Variants in FRMD4B observed in about 807,000 individuals in gnomAD.
FRMD4B encodes the protein FERM domain-containing protein 4B.
Under a neutral mutation model 141.5 loss-of-function variants are expected in FRMD4B, and 74 were observed. The observed-to-expected ratio is 0.52, with a 90% confidence interval of 0.43 to 0.63. FRMD4B has a LOEUF of 0.63. Ranked by LOEUF, FRMD4B falls within the 30% of genes least tolerant of loss-of-function variation. The probability of loss-of-function intolerance (pLI) is 0.00; values close to 1 mark genes in which losing one functional copy is unlikely to be tolerated. For missense variants in FRMD4B, 1,366 were observed against 1,253.4 expected, an observed-to-expected ratio of 1.09 and a Z score of -1.36; for synonymous variants, 506 against 467.9, an observed-to-expected ratio of 1.08 and a Z score of -1.05.
At chr3:69,427,656 T>TTTTTTTTTG (rs1559524968) in intron 2 of FRMD4B, among the ~76,000 whole-genome samples, 1 of 125,186 alleles carries the variant, frequency 8.0e-6, no homozygotes, top group Non-Finnish European at 1.7e-5. Flanking sequence ...TTTTTTTTTT[T>TTTTTTTTTG]TTTTTTTTTT....
At chr3:69,512,091 G>C (rs1322015918) in intron 1 of FRMD4B, among the ~76,000 whole-genome samples, 1 of 152,144 alleles carries the variant, frequency 6.6e-6, no homozygotes, top group Non-Finnish European at 1.5e-5. Flanking sequence ...TATGTTCTTT[G>C]CCTAGAATAC....
At chr3:69,222,852 T>A (rs2093210363) in intron 8 of FRMD4B, among the ~76,000 whole-genome samples, 1 of 152,212 alleles carries the variant, frequency 6.6e-6, no homozygotes, top group South Asian at 2.1e-4. Flanking sequence ...CATAATTGGA[T>A]GGAATATAAT....
intron 7 of FRMD4B, among the ~76,000 whole-genome samples, chr3:69,246,285 G>A (rs930242960): frequency 7.2e-5 from 11 of 152,112 alleles, no homozygotes; most frequent in African/African-American, 2.6e-4. Flanking sequence ...GTGAATCCCT[G>A]TTTCTACAAA....
intron 1 of FRMD4B, among the ~76,000 whole-genome samples, chr3:69,364,349 C>T (rs138412551): frequency 2.0e-5 from 3 of 152,200 alleles, no homozygotes; most frequent in East Asian, 1.9e-4. Flanking sequence ...TTGGTGGCCA[C>T]GGCAGGAAGC....
intron 1 of FRMD4B, among the ~76,000 whole-genome samples, chr3:69,476,147 G>A (rs1386745302): frequency 6.6e-6 from 1 of 150,762 alleles, no homozygotes; most frequent in South Asian, 2.1e-4. Context: ...CTCCCATTTT[G>A]TAGGTTGCCT....
rs537898214 is a variant in FRMD4B at position 69,319,587 on chromosome 3, T to C, written c.163-6070A>G. Among the ~76,000 whole-genome samples, 64 of 152,300 alleles carry C rather than the reference T, an allele frequency of 4.2e-4. No homozygotes were observed. In the East Asian group the frequency reaches 0.012, roughly 28 times the overall value. On this transcript the variant is annotated intron_variant, in intron 1 of 22. Coordinates refer to ENST00000398540, the MANE Select transcript of FRMD4B (RefSeq NM_015123.3). ...GGTTTCTGAGTGTCTTCTGTGTGCC[T>C]GGCACCCAGCGAGGCACTTTAATTA...
intron 13 of FRMD4B, 55 bp from the exon 14 acceptor site, chr3:69,196,451 G>A: frequency 7.4e-7 from 1 of 1,344,590 alleles, no homozygotes; most frequent in East Asian, 2.4e-5. Context: ...TCAAATTAAT[G>A]AAACAATTAA....
chr3:69,209,100 C>T (rs1335408916), intron 11 of FRMD4B, among the ~76,000 whole-genome samples: 7 of 150,942 alleles, frequency 4.6e-5, no homozygotes, highest in Admixed American at 3.3e-4. Flanking sequence ...GCCAAGATCA[C>T]GCCACTGCAC....
At chr3:69,490,840 C>A (rs9310161) in intron 1 of FRMD4B, among the ~76,000 whole-genome samples, 59,681 of 151,858 alleles carry the variant, frequency 0.39, 12,031 homozygotes, top group African/African-American at 0.42. Flanking sequence ...ATGAAGCACA[C>A]GATAAGGTTG....
intron 1 of FRMD4B, among the ~76,000 whole-genome samples, chr3:69,529,985 G>A (rs1700988310): frequency 6.6e-6 from 1 of 152,148 alleles, no homozygotes; most frequent in Non-Finnish European, 1.5e-5. Flanking sequence ...ACCCTGATTG[G>A]TCCTTTTTCC....
chr3:69,222,416 G>A (rs146592074), intron 8 of FRMD4B, among the ~76,000 whole-genome samples: 18 of 137,684 alleles, frequency 1.3e-4, no homozygotes, highest in African/African-American at 3.7e-4. Context: ...GCAGTGAGCC[G>A]AGATTGAGCC....
chr3:69,316,123 G>A (rs1245185482), intron 1 of FRMD4B, among the ~76,000 whole-genome samples: 14 of 152,202 alleles, frequency 9.2e-5, no homozygotes, highest in Admixed American at 7.9e-4. Flanking sequence ...TCTGCTTTAA[G>A]AGTCTGAAAA....
At chr3:69,176,827 A>C (rs983162113) in intron 21 of FRMD4B, among the ~76,000 whole-genome samples, 171 bp from the exon 22 acceptor site, 7 of 152,156 alleles carry the variant, frequency 4.6e-5, no homozygotes, top group Non-Finnish European at 1.0e-4. Flanking sequence ...ATGTGACCTT[A>C]GGCAAGTAGT....
chr3:69,439,213 G>A (rs1352068381), intron 1 of FRMD4B, among the ~76,000 whole-genome samples: 3 of 152,094 alleles, frequency 2.0e-5, no homozygotes, highest in Non-Finnish European at 4.4e-5. Flanking sequence ...GTGCTCTGTC[G>A]TATGACTGAA....
intron 1 of FRMD4B, among the ~76,000 whole-genome samples, chr3:69,449,088 A>G (rs1226304744): frequency 6.6e-6 from 1 of 152,146 alleles, no homozygotes; most frequent in Non-Finnish European, 1.5e-5. Flanking sequence ...CAGGCTTTAT[A>G]TAACTCTGCT....
intron 1 of FRMD4B, among the ~76,000 whole-genome samples, chr3:69,324,539 G>C (rs1171061609): frequency 2.0e-5 from 3 of 152,178 alleles, no homozygotes; most frequent in Non-Finnish European, 4.4e-5. Flanking sequence ...CAGCATCCCT[G>C]ACCTCTACCC....
intron 7 of FRMD4B, among the ~76,000 whole-genome samples, chr3:69,235,044 G>A (rs968161101): frequency 5.3e-5 from 8 of 151,728 alleles, no homozygotes; most frequent in African/African-American, 1.9e-4. Flanking sequence ...CAGCTACTCA[G>A]GAGGCTGAGG....
Position 69,434,957 on chromosome 3 carries a change from G to T in FRMD4B, c.-128-2196C>A, listed in dbSNP as rs572174598. ...CTGGGGCCTCTCTCCTTGGCTTGCA[G>T]ATGGCCACCTCTTTACATGGTCTTT... On this transcript the variant is annotated intron_variant, in intron 1 of 5. Coordinates refer to the FRMD4B transcript ENST00000459638. 2.1e-3 allele frequency among the ~76,000 whole-genome samples: 327 copies of T among 152,262 alleles called. 2 individuals carry two copies. The highest frequency in any genetic ancestry group is 7.4e-3 in the African/African-American group (309 of 41,550).
At chr3:69,455,202 G>A (rs1705574218) in intron 1 of FRMD4B, among the ~76,000 whole-genome samples, 1 of 152,176 alleles carries the variant, frequency 6.6e-6, no homozygotes, top group African/African-American at 2.4e-5. Context: ...CTGTAAAATG[G>A]GCCAATCAGC....
Sources: gnomAD v4.1 joint callset for allele counts (sites outside exome capture counted in the v4.1 genomes callset) on GRCh38, gnomAD v4.1.1 for gene constraint, MANE v1.5 for transcripts, NCBI Gene and HGNC (gene_info 2026-07-23, HGNC 2026-07-21) for gene names.